RCAN1: variants seen among roughly 807,000 people sequenced by gnomAD.
The protein encoded by RCAN1 is calcipressin-1.
In RCAN1, 11 loss-of-function variants were observed where a neutral mutation model predicts 22.9. That is an observed-to-expected ratio of 0.48 (90% confidence interval 0.30 to 0.79). The LOEUF is 0.79. Ranked by LOEUF, RCAN1 falls within the 30% of genes least tolerant of loss-of-function variation. The pLI, the probability that RCAN1 is intolerant of heterozygous loss-of-function variation, is 0.06. For missense variants in RCAN1, 291 were observed against 337.8 expected, an observed-to-expected ratio of 0.86 and a Z score of 1.09; for synonymous variants, 136 against 142.3, an observed-to-expected ratio of 0.96 and a Z score of 0.32.
chr21:34,523,817 C>CT, intron 1 of RCAN1, 107 bp from the exon 2 acceptor site: 1 of 928,888 alleles, frequency 1.1e-6, no homozygotes, highest in South Asian at 1.7e-5. Flanking sequence ...GAGTCTTGCT[C>CT]TGTCACCCAG....
intron 1 of RCAN1, among the ~76,000 whole-genome samples, chr21:34,551,641 T>C (rs1986371180): frequency 6.6e-6 from 1 of 152,146 alleles, no homozygotes; most frequent in Non-Finnish European, 1.5e-5. Context: ...ATTCTTTAAG[T>C]CAATCTTAAA....
intron 1 of RCAN1, among the ~76,000 whole-genome samples, chr21:34,530,836 G>C (rs1039852152): frequency 2.0e-5 from 3 of 151,918 alleles, no homozygotes; most frequent in African/African-American, 7.3e-5. Context: ...TGTTGGTCAG[G>C]CTGGTCTCAA....
At position 34,605,919 on chromosome 21, in the gene RCAN1, C is replaced by CA. The variant is rs1568933738; in HGVS notation, c.252+8840dup. ...TGGGCAACAGAGCAAGACTCGGTCT[C>CA]AGAAAAAAAAAAAAAAAAAAAGATG... On this transcript the variant is annotated intron_variant, in intron 1 of 3. Coordinates refer to ENST00000313806, the MANE Select transcript of RCAN1 (RefSeq NM_004414.7). Among the ~76,000 whole-genome samples, 7 of 135,874 alleles carry CA rather than the reference C, an allele frequency of 5.2e-5. 1 individual carries two copies. Among genetic ancestry groups the CA allele is most frequent in the Non-Finnish European group, 9.4e-5 (6 of 63,982 alleles). The allele number at this position is 135,874 out of a possible 152,430, so 89.1% of individuals were successfully genotyped here.
intron 1 of RCAN1, among the ~76,000 whole-genome samples, chr21:34,529,686 C>T (rs1324855430): frequency 6.6e-6 from 1 of 152,194 alleles, no homozygotes; most frequent in East Asian, 1.9e-4. Context: ...ATTCCTGATT[C>T]TTGCTTGCTG....
At chr21:34,530,169 C>G (rs1254770224) in intron 1 of RCAN1, among the ~76,000 whole-genome samples, 1 of 152,082 alleles carries the variant, frequency 6.6e-6, no homozygotes, top group Non-Finnish European at 1.5e-5. Flanking sequence ...AAAACTGAAC[C>G]CAGAAGTTAA....
At chr21:34,596,176 T>G (rs1380992349) in intron 1 of RCAN1, among the ~76,000 whole-genome samples, 1 of 152,206 alleles carries the variant, frequency 6.6e-6, no homozygotes, top group Non-Finnish European at 1.5e-5. Flanking sequence ...CCCATGTCCA[T>G]GCTACCAGGG....
intron 1 of RCAN1, among the ~76,000 whole-genome samples, chr21:34,543,547 CT>C (rs1986008696): frequency 6.6e-6 from 1 of 152,186 alleles, no homozygotes. Flanking sequence ...TAAATCTGTG[CT>C]GTTTTCAGCC....
intron 1 of RCAN1, among the ~76,000 whole-genome samples, chr21:34,593,453 G>A (rs1232683532): frequency 6.6e-6 from 1 of 152,210 alleles, no homozygotes; most frequent in Non-Finnish European, 1.5e-5. Flanking sequence ...TGGCTTATAT[G>A]ACACAGGCAG....
At chr21:34,567,633 A>C (rs1408890112) in intron 1 of RCAN1, among the ~76,000 whole-genome samples, 1 of 152,056 alleles carries the variant, frequency 6.6e-6, no homozygotes, top group African/African-American at 2.4e-5. Flanking sequence ...TACTTCTGTT[A>C]GAAAAAAAAT....
chr21:34,562,015 A>C (rs1443253682), intron 1 of RCAN1, among the ~76,000 whole-genome samples: 1 of 152,228 alleles, frequency 6.6e-6, no homozygotes, highest in African/African-American at 2.4e-5. Context: ...ACACTCAATT[A>C]CATTTCCTTC....
At chr21:34,548,648 A>G (rs768703094) in intron 1 of RCAN1, among the ~76,000 whole-genome samples, 3 of 152,238 alleles carry the variant, frequency 2.0e-5, no homozygotes, top group Non-Finnish European at 2.9e-5. Flanking sequence ...CTTTAACTGT[A>G]TTGTGATAAC....
At chr21:34,577,441 A>G (rs1987448107) in intron 1 of RCAN1, among the ~76,000 whole-genome samples, 1 of 152,092 alleles carries the variant, frequency 6.6e-6, no homozygotes, top group African/African-American at 2.4e-5. Context: ...CTACAAAAAA[A>G]TACAAAAATT....
At chr21:34,553,240 A>G (rs1421448135) in intron 1 of RCAN1, among the ~76,000 whole-genome samples, 3 of 152,238 alleles carry the variant, frequency 2.0e-5, no homozygotes, top group Non-Finnish European at 4.4e-5. Flanking sequence ...CGGAGCTCAC[A>G]GTGGGGGTGG....
chr21:34,549,025 T>C (rs1398635752), intron 1 of RCAN1, among the ~76,000 whole-genome samples: 1 of 152,250 alleles, frequency 6.6e-6, no homozygotes, highest in Admixed American at 6.5e-5. Flanking sequence ...ATAGGGACTA[T>C]GAGACCGTTT....
At chr21:34,541,724 G>A in intron 1 of RCAN1, among the ~76,000 whole-genome samples, 1 of 152,186 alleles carries the variant, frequency 6.6e-6, no homozygotes, top group East Asian at 1.9e-4. Flanking sequence ...CACAAGGTCA[G>A]GAGATAGAGA....
At chr21:34,605,124 G>C (rs184496229) in intron 1 of RCAN1, among the ~76,000 whole-genome samples, 4 of 152,352 alleles carry the variant, frequency 2.6e-5, no homozygotes, top group Admixed American at 2.0e-4. Flanking sequence ...TAACATTTGA[G>C]TCAGTGGACT....
intron 1 of RCAN1, among the ~76,000 whole-genome samples, chr21:34,564,453 T>C (rs573410784): frequency 4.7e-4 from 71 of 152,196 alleles, no homozygotes; most frequent in African/African-American, 1.6e-3. Context: ...AGGCTGCGAT[T>C]TGGGGGAAGA....
At chr21:34,566,952 C>A (rs1199590904) in intron 1 of RCAN1, among the ~76,000 whole-genome samples, 1 of 152,222 alleles carries the variant, frequency 6.6e-6, no homozygotes, top group Non-Finnish European at 1.5e-5. Context: ...GGGATCTACC[C>A]CCTTGACCCA....
At chr21:34,553,964 A>G (rs1410926364) in intron 1 of RCAN1, among the ~76,000 whole-genome samples, 1 of 152,234 alleles carries the variant, frequency 6.6e-6, no homozygotes, top group Non-Finnish European at 1.5e-5. Flanking sequence ...ATATTTAATC[A>G]GCGATTTTTT....
Sources: gnomAD v4.1 joint callset for allele counts (sites outside exome capture counted in the v4.1 genomes callset) on GRCh38, gnomAD v4.1.1 for gene constraint, MANE v1.5 for transcripts, NCBI Gene and HGNC (gene_info 2026-07-23, HGNC 2026-07-21) for gene names.